The following KCNG3 variants were observed in gnomAD, a reference collection of about 807,000 sequenced individuals.
KCNG3 encodes voltage-gated potassium channel regulatory subunit KCNG3.
KCNG3 carries 15 observed loss-of-function variants against 29.0 expected under a neutral mutation model. The observed-to-expected ratio is 0.52, with a 90% CI of 0.35 to 0.80. KCNG3 has a LOEUF of 0.80. Ranked by LOEUF, KCNG3 falls within the 30% of genes least tolerant of loss-of-function variation. The pLI is 0.01. For synonymous variants in KCNG3, 322 were observed against 248.9 expected (o/e 1.29, Z -2.76); for missense variants, 512 against 605.7 (o/e 0.85, Z 1.62).
At chr2:42,429,111 T>C in the KCNG3 span, among the ~76,000 whole-genome samples, 1 of 150,774 alleles carries the variant, frequency 6.6e-6, no homozygotes, top group Admixed American at 6.6e-5. Context: ...AGAGCAAGAC[T>C]CCATCTCAAA....
intron 1 of KCNG3, chr2:42,463,090 C>A (rs1270145067): frequency 9.6e-6 from 2 of 208,546 alleles, no homozygotes; most frequent in South Asian, 9.3e-5. Context: ...CTGAAGGTAG[C>A]TACACTGCAA....
chr2:42,453,842 G>A (rs1000792337), intron 1 of KCNG3, among the ~76,000 whole-genome samples: 1 of 152,038 alleles, frequency 6.6e-6, no homozygotes, highest in Non-Finnish European at 1.5e-5. Context: ...ATAGTTTGAG[G>A]TCTTAGATTT....
intron 1 of KCNG3, among the ~76,000 whole-genome samples, chr2:42,477,255 G>C (rs527865488): frequency 3.3e-5 from 5 of 150,440 alleles, no homozygotes; most frequent in African/African-American, 1.2e-4. Context: ...AAGGTTTCCA[G>C]TGACTGCTAA....
Position 42,444,629 on chromosome 2 carries a change from A to C in KCNG3, c.666-50T>G, listed in dbSNP as rs1216000708. ...TGATCATTTTATTTTTAAGCATTTT[A>C]ATAGCTCTTAGATTTCTTCAGATAG... On this transcript the variant is annotated intron_variant, in intron 1 of 1. Coordinates refer to ENST00000306078, the MANE Select transcript of KCNG3 (RefSeq NM_133329.6). The surrounding 1 kb of genome is among the most constrained non-coding windows in gnomAD (Gnocchi z 5.8). 2 of 1,502,832 alleles carry C rather than the reference A, an allele frequency of 1.3e-6. No homozygotes were observed. Among genetic ancestry groups the C allele is most frequent in the South Asian group, 2.6e-5 (2 of 77,992 alleles). The allele number at this position is 1,502,832 out of a possible 1,614,324, so 93.1% of individuals were successfully genotyped here.
At chr2:42,427,115 T>A in the KCNG3 span, among the ~76,000 whole-genome samples, 7 of 152,330 alleles carry the variant, frequency 4.6e-5, no homozygotes, top group South Asian at 1.0e-3. Context: ...TATCTTTGCA[T>A]AAGGCTCTCC....
At chr2:42,418,779 GC>G in the KCNG3 span, among the ~76,000 whole-genome samples, 1 of 152,244 alleles carries the variant, frequency 6.6e-6, no homozygotes, top group East Asian at 1.9e-4. Flanking sequence ...TCCACTGGTA[GC>G]CAGCCAGCCA....
chr2:42,441,186 G>C (rs1380110535), downstream of KCNG3, among the ~76,000 whole-genome samples: 1 of 151,582 alleles, frequency 6.6e-6, no homozygotes, highest in Non-Finnish European at 1.5e-5. Context: ...TTTGAGGCAA[G>C]CCTGGGCAAC....
intron 1 of KCNG3, among the ~76,000 whole-genome samples, chr2:42,462,303 C>T (rs1449916337): frequency 6.6e-6 from 1 of 152,152 alleles, no homozygotes; most frequent in African/African-American, 2.4e-5. Flanking sequence ...CCTCTCCACC[C>T]CAAAATGGTA....
the KCNG3 span, among the ~76,000 whole-genome samples, chr2:42,397,193 A>G: frequency 3.3e-5 from 5 of 151,988 alleles, no homozygotes; most frequent in East Asian, 7.7e-4. Context: ...ACAGCGAGCC[A>G]AGATCGCACC....
chr2:42,475,012 T>C, intron 1 of KCNG3, among the ~76,000 whole-genome samples: 1 of 152,166 alleles, frequency 6.6e-6, no homozygotes, highest in East Asian at 1.9e-4. Context: ...CATCATTGTG[T>C]CCTTAGCACA....
chr2:42,407,406 G>C, the KCNG3 span, among the ~76,000 whole-genome samples: 2 of 152,122 alleles, frequency 1.3e-5, no homozygotes, highest in Non-Finnish European at 2.9e-5. Context: ...GGACTCAAAT[G>C]TTCCTCCCAC....
At chr2:42,398,121 G>C in the KCNG3 span, among the ~76,000 whole-genome samples, 2 of 152,014 alleles carry the variant, frequency 1.3e-5, no homozygotes, top group African/African-American at 4.8e-5. Context: ...TACTCGGAAG[G>C]CTGAGGCGGA....
intron 1 of KCNG3, among the ~76,000 whole-genome samples, chr2:42,475,971 C>A (rs1673414281): frequency 6.6e-6 from 1 of 152,074 alleles, no homozygotes. Context: ...GAGGCTGAGG[C>A]AGGAGAATCA....
intron 1 of KCNG3, among the ~76,000 whole-genome samples, chr2:42,482,219 G>A (rs553766470): frequency 4.5e-4 from 69 of 152,314 alleles, no homozygotes; most frequent in African/African-American, 1.6e-3. Flanking sequence ...CTCAATAAAT[G>A]TTTGTTGAAT....
At chr2:42,457,808 C>A (rs759256488) in intron 1 of KCNG3, among the ~76,000 whole-genome samples, 8 of 151,204 alleles carry the variant, frequency 5.3e-5, no homozygotes, top group Non-Finnish European at 1.0e-4. Context: ...AGAGTAAGAC[C>A]CTATCTCTAA....
At chr2:42,481,614 A>G (rs1401067024) in intron 1 of KCNG3, among the ~76,000 whole-genome samples, 1 of 152,072 alleles carries the variant, frequency 6.6e-6, no homozygotes, top group Non-Finnish European at 1.5e-5. Context: ...TCAAACCTAA[A>G]TCCTTTTAGT....
chr2:42,409,902 C>A, the KCNG3 span, among the ~76,000 whole-genome samples: 3 of 152,008 alleles, frequency 2.0e-5, no homozygotes, highest in South Asian at 4.2e-4. Flanking sequence ...CAGCTGCCTA[C>A]TACACTCATT....
the KCNG3 span, among the ~76,000 whole-genome samples, chr2:42,410,391 TAG>T: frequency 0.028 from 4,252 of 152,296 alleles, 190 homozygotes; most frequent in African/African-American, 0.095. Flanking sequence ...AATTGAATTC[TAG>T]AGAGGTTGAA....
At chr2:42,476,107 A>T (rs1394662038) in intron 1 of KCNG3, among the ~76,000 whole-genome samples, 1 of 152,162 alleles carries the variant, frequency 6.6e-6, no homozygotes, top group Non-Finnish European at 1.5e-5. Context: ...ATTCTATTGA[A>T]ACTTTTTAAA....
Sources: allele counts gnomAD v4.1 joint callset (sites outside exome capture counted in the v4.1 genomes callset), GRCh38; gene constraint gnomAD v4.1.1; non-coding constraint Gnocchi (gnomAD v3.1); transcripts MANE v1.5; gene names NCBI Gene and HGNC (gene_info 2026-07-23, HGNC 2026-07-21).